Variants in PEAK1 observed in about 807,000 individuals in gnomAD.
The protein encoded by PEAK1 is pseudopodium enriched atypical kinase 1, also known as inactive tyrosine-protein kinase PEAK1.
PEAK1 carries 54 observed loss-of-function variants against 124.7 expected under a neutral mutation model. The ratio of observed to expected loss-of-function variants is 0.43; its 90% CI spans 0.35 to 0.54. PEAK1 has a LOEUF of 0.54. PEAK1 is among the 20% of genes least tolerant of loss of function. The pLI is 0.01. For missense variants in PEAK1, 2,046 were observed against 2,134.5 expected (o/e 0.96, Z 0.82); for synonymous variants, 719 against 760.0 (o/e 0.95, Z 0.89).
chr15:77,293,406 T>C (rs2063324254), intron 2 of PEAK1, among the ~76,000 whole-genome samples: 1 of 152,242 alleles, frequency 6.6e-6, no homozygotes, highest in Non-Finnish European at 1.5e-5. Context: ...TCATACCTGA[T>C]AATCACTATA....
intron 7 of PEAK1, among the ~76,000 whole-genome samples, chr15:77,167,743 T>C (rs531094281): frequency 6.6e-6 from 1 of 152,230 alleles, no homozygotes; most frequent in East Asian, 1.9e-4. Flanking sequence ...AAATTTTTTT[T>C]CTTTTTCATT....
intron 2 of PEAK1, among the ~76,000 whole-genome samples, chr15:77,320,512 A>T (rs1339442401): frequency 1.3e-5 from 2 of 152,168 alleles, no homozygotes; most frequent in Non-Finnish European, 2.9e-5. Context: ...GACAAAATAA[A>T]ATAGAATATC....
intron 1 of PEAK1, among the ~76,000 whole-genome samples, chr15:77,409,879 G>A (rs1438899746): frequency 6.6e-6 from 1 of 152,122 alleles, no homozygotes; most frequent in Non-Finnish European, 1.5e-5. Context: ...TTTTACAAAT[G>A]AGGAAACTGA....
chr15:77,281,123 C>T (rs919398917), intron 5 of PEAK1, among the ~76,000 whole-genome samples: 1 of 151,924 alleles, frequency 6.6e-6, no homozygotes, highest in Non-Finnish European at 1.5e-5. Flanking sequence ...AGCCGAGATT[C>T]GCCATTGCAC....
chr15:77,133,137 G>C lies in PEAK1; in HGVS notation c.3945C>G (p.Asp1315Glu). Residue 1315 changes from aspartate (D) to glutamate (E), a missense_variant, in exon 9 of 10, where the codon GAC (aspartate) becomes GAG (glutamate). Transcript: ENST00000682557. This position sits in a 1 kb window ranked among gnomAD's most constrained non-coding sequence, Gnocchi z 4.2. Reference sequence around the variant, plus strand: ...AGCTGTCCACTCCAAAACGGAGCTGGTCTTTCTGCCCAGCCATGAAAAGGT... The same window carrying C: ...AGCTGTCCACTCCAAAACGGAGCTGCTCTTTCTGCCCAGCCATGAAAAGGT... ...CEDLFMAGQK[D>E]QLRFGVDSWS... 6.2e-7 allele frequency: 1 copy of C among 1,614,178 alleles called. No homozygotes were observed. Among genetic ancestry groups the C allele is most frequent in the South Asian group, 1.1e-5 (1 of 91,076 alleles).
At position 77,179,192 on chromosome 15, in the gene PEAK1, T is replaced by C. The variant is rs1378498361; in HGVS notation, c.2735A>G (p.Glu912Gly). The C allele has an allele frequency of 4.3e-6, 7 of 1,614,056 alleles. No individual in the cohort carries two copies. Among genetic ancestry groups the C allele is most frequent in the Non-Finnish European group, 5.9e-6 (7 of 1,180,034 alleles). The change falls in exon 7 of 10, where the codon GAA becomes GGA. Residue 912 changes from glutamate to glycine, a missense_variant. Coordinates refer to ENST00000682557, the MANE Select transcript of PEAK1 (RefSeq NM_001385026.1). ...TGCATCAGCTGCCCGCCTGCTGCCT[T>C]CAGAGTGCAAAACTGATTCAGCTTC... Reference protein sequence around the residue: ...STEAESVLHSEGSRRAADAKP... With the variant: ...STEAESVLHSGGSRRAADAKP...
At chr15:77,381,574 T>C (rs369052728) in intron 1 of PEAK1, 28 of 614,872 alleles carry the variant, frequency 4.6e-5, no homozygotes, top group African/African-American at 3.6e-4. Flanking sequence ...TTGTAAGGCA[T>C]AGAGTCATTT....
At chr15:77,128,081 GAA>G (rs753604137) in intron 9 of PEAK1, among the ~76,000 whole-genome samples, 3 of 84,810 alleles carry the variant, frequency 3.5e-5, no homozygotes, top group African/African-American at 4.5e-5. Context: ...TCCATCTCAA[GAA>G]AAAAAAAAAA....
intron 6 of PEAK1, among the ~76,000 whole-genome samples, chr15:77,225,144 C>T (rs964828376): frequency 7.9e-5 from 12 of 151,992 alleles, no homozygotes; most frequent in Non-Finnish European, 1.2e-4. Context: ...GAGAAGAAAA[C>T]GGAGGCACTT....
chr15:77,323,750 C>T (rs2065391280), intron 2 of PEAK1, among the ~76,000 whole-genome samples: 1 of 152,112 alleles, frequency 6.6e-6, no homozygotes, highest in Non-Finnish European at 1.5e-5. Flanking sequence ...ATCGAGCTAC[C>T]AATGACTTTC....
intron 2 of PEAK1, among the ~76,000 whole-genome samples, chr15:77,320,914 G>T (rs1041813019): frequency 6.6e-6 from 1 of 151,886 alleles, no homozygotes; most frequent in Non-Finnish European, 1.5e-5. Flanking sequence ...GCGGTGTTTG[G>T]TTTTTTGTCC....
In PEAK1 at chr15:77,158,494, T is replaced by C. The variant is rs186615008; in HGVS notation, c.3331+9A>G. The C allele has an allele frequency of 1.2e-5, 20 of 1,612,074 alleles. No homozygotes were observed. The highest frequency in any genetic ancestry group is 1.7e-5 in the Non-Finnish European group (20 of 1,178,176). On this transcript the variant is annotated intron_variant, in intron 8 of 9. Coordinates refer to ENST00000682557, the MANE Select transcript of PEAK1 (RefSeq NM_001385026.1). ...GTTTAAATACTACTTATTGGACATTTGCACTTACCTAAGTTGCTGTATGTT... is the reference window on the plus strand; with the variant it reads ...GTTTAAATACTACTTATTGGACATTCGCACTTACCTAAGTTGCTGTATGTT...
chr15:77,144,437 TTTACTAAAGCA>T (rs1291074391), intron 8 of PEAK1, among the ~76,000 whole-genome samples: 1 of 152,222 alleles, frequency 6.6e-6, no homozygotes, highest in Non-Finnish European at 1.5e-5. Context: ...CACTTTTTGC[TTTACTAAAGCA>T]TTTTTAGCCT....
intron 6 of PEAK1, among the ~76,000 whole-genome samples, chr15:77,194,478 T>C (rs544179410): frequency 3.9e-5 from 6 of 152,324 alleles, no homozygotes; most frequent in Admixed American, 2.6e-4. Flanking sequence ...TCCACTCATA[T>C]AGCAATTGTT....
chr15:77,160,259 C>G lies in PEAK1; in HGVS notation c.3138-1563G>C, dbSNP rs78014975. Reference sequence around the variant, plus strand: ...CTTCCAAGACACTCAGGTACCACTTCGTGTCAAGAGTGTATATTACTGAGT... The same window carrying G: ...CTTCCAAGACACTCAGGTACCACTTGGTGTCAAGAGTGTATATTACTGAGT... On this transcript the variant is annotated intron_variant, in intron 7 of 9. Transcript: ENST00000682557. Among the ~76,000 whole-genome samples, 718 of 152,132 alleles carry G rather than the reference C, an allele frequency of 4.7e-3. 12 individuals carry two copies. Among genetic ancestry groups the G allele is most frequent in the African/African-American group, 0.017 (688 of 41,476 alleles).
At chr15:77,417,618 T>A (rs1024092060) in intron 1 of PEAK1, 11 of 985,364 alleles carry the variant, frequency 1.1e-5, no homozygotes, top group Non-Finnish European at 1.3e-5. Context: ...GGGCCACAGT[T>A]TGGTTACTAA....
intron 8 of PEAK1, among the ~76,000 whole-genome samples, chr15:77,145,850 G>T (rs1332465504): frequency 3.3e-5 from 5 of 152,162 alleles, no homozygotes; most frequent in African/African-American, 9.7e-5. Flanking sequence ...CTCTCCCAAA[G>T]ATCAGAAGTC....
At chr15:77,159,019 C>CA (rs2055400055) in intron 7 of PEAK1, among the ~76,000 whole-genome samples, 1 of 152,036 alleles carries the variant, frequency 6.6e-6, no homozygotes, top group Non-Finnish European at 1.5e-5. Context: ...TGGCTAAAGA[C>CA]AAATATACTC....
chr15:77,232,537 C>T lies in PEAK1; in HGVS notation c.-115+19830G>A, dbSNP rs60823673. ...CTCGCTACTTAGCCTCATACTTCAG[C>T]GGAAAAATAGATCCAACCAGATGAA... On this transcript the variant is annotated intron_variant, in intron 6 of 9. Coordinates refer to ENST00000682557, the MANE Select transcript of PEAK1 (RefSeq NM_001385026.1). Among the ~76,000 whole-genome samples, 251 of 152,284 alleles carry T rather than the reference C, an allele frequency of 1.6e-3. 7 individuals carry two copies. The East Asian group carries it at 0.042, about 26-fold the overall frequency.
Sources: gnomAD v4.1 joint callset for allele counts (sites outside exome capture counted in the v4.1 genomes callset) on GRCh38, gnomAD v4.1.1 for gene constraint, Gnocchi (gnomAD v3.1) non-coding constraint, MANE v1.5 for transcripts, NCBI Gene and HGNC (gene_info 2026-07-23, HGNC 2026-07-21) for gene names.